The following RAD51B variants were observed in gnomAD, a reference collection of about 807,000 sequenced individuals.
RAD51B encodes DNA repair protein RAD51 homolog 2.
RAD51B carries 38 observed loss-of-function variants against 42.2 expected under a neutral mutation model. The ratio of observed to expected loss-of-function variants is 0.90; its 90% CI spans 0.70 to 1.18. The LOEUF is 1.18. RAD51B is among the 50% of genes most tolerant of loss of function. RAD51B has a pLI of 0.00. For synonymous variants in RAD51B, 154 were observed against 145.2 expected (o/e 1.06, Z -0.43); for missense variants, 373 against 400.7 (o/e 0.93, Z 0.59).
intron 7 of RAD51B, among the ~76,000 whole-genome samples, chr14:68,276,212 G>C (rs2081221150): frequency 1.3e-5 from 2 of 152,038 alleles, no homozygotes; most frequent in Admixed American, 1.3e-4. Context: ...TAATATAGGG[G>C]CCTCTTCTGC....
intron 7 of RAD51B, among the ~76,000 whole-genome samples, chr14:68,255,835 T>C (rs954943813): frequency 5.9e-5 from 9 of 152,288 alleles, no homozygotes; most frequent in African/African-American, 2.2e-4. Flanking sequence ...AAACATTAGC[T>C]CGTCTTACAG....
intron 7 of RAD51B, among the ~76,000 whole-genome samples, chr14:68,110,323 A>G (rs1226465425): frequency 6.6e-6 from 1 of 151,946 alleles, no homozygotes; most frequent in African/African-American, 2.4e-5. Context: ...CTGTGTCAAA[A>G]GGAACTGAAA....
chr14:67,955,379 A>G (rs1405339557), intron 7 of RAD51B, among the ~76,000 whole-genome samples: 1 of 152,214 alleles, frequency 6.6e-6, no homozygotes, highest in African/African-American at 2.4e-5. Flanking sequence ...GTACTTTCAA[A>G]TGTTATAAGG....
chr14:67,895,909 C>T (rs2043400164), intron 7 of RAD51B, among the ~76,000 whole-genome samples: 1 of 152,068 alleles, frequency 6.6e-6, no homozygotes, highest in African/African-American at 2.4e-5. Flanking sequence ...CAAGTTCTGT[C>T]TCTCCTCTGA....
intron 5 of RAD51B, among the ~76,000 whole-genome samples, chr14:67,877,287 A>C (rs943535903): frequency 2.0e-5 from 3 of 152,146 alleles, no homozygotes; most frequent in Non-Finnish European, 4.4e-5. Context: ...GGGTATTATG[A>C]TCTTCATTTT....
chr14:68,081,419 C>T (rs929340246), intron 7 of RAD51B, among the ~76,000 whole-genome samples: 4 of 152,032 alleles, frequency 2.6e-5, no homozygotes, highest in Admixed American at 1.3e-4. Context: ...TCGGTTCACT[C>T]GATCACATTA....
At chr14:68,503,407 G>A (rs1167001089) in intron 10 of RAD51B, among the ~76,000 whole-genome samples, 1 of 152,194 alleles carries the variant, frequency 6.6e-6, no homozygotes. Context: ...AAACAGCTGA[G>A]GAGGAGGCAT....
chr14:68,340,769 C>A (rs929925444), intron 8 of RAD51B, among the ~76,000 whole-genome samples: 1 of 152,324 alleles, frequency 6.6e-6, no homozygotes, highest in South Asian at 2.1e-4. Flanking sequence ...GGCTCCTATA[C>A]CATCTTGCAT....
chr14:68,427,701 T>C (rs1344890091), intron 9 of RAD51B, among the ~76,000 whole-genome samples: 1 of 152,222 alleles, frequency 6.6e-6, no homozygotes. Context: ...GTCTCACTCA[T>C]ATATGATTTA....
chr14:68,153,357 G>A (rs1044655588), intron 7 of RAD51B, among the ~76,000 whole-genome samples: 1 of 151,924 alleles, frequency 6.6e-6, no homozygotes, highest in African/African-American at 2.4e-5. Context: ...TCTTTCCTTT[G>A]TACACATTGA....
intron 7 of RAD51B, among the ~76,000 whole-genome samples, chr14:68,135,059 A>G (rs537851869): frequency 7.2e-5 from 11 of 152,320 alleles, no homozygotes; most frequent in Non-Finnish European, 1.5e-4. Flanking sequence ...TTTTCAGCTC[A>G]GACGTGTTAC....
At chr14:68,601,901 T>G (rs1205881032) in intron 10 of RAD51B, among the ~76,000 whole-genome samples, 1 of 152,200 alleles carries the variant, frequency 6.6e-6, no homozygotes, top group Non-Finnish European at 1.5e-5. Context: ...AAGTCATCAT[T>G]GACCCCAAAC....
rs572431017 is a variant in RAD51B at position 68,396,834 on chromosome 14, G to A, written c.854-14590G>A. 5.9e-5 allele frequency among the ~76,000 whole-genome samples: 9 copies of A among 152,266 alleles called. No individual in the cohort carries two copies. The East Asian group carries it at 7.7e-4, about 13-fold the overall frequency. On this transcript the variant is annotated intron_variant, in intron 8 of 10. Coordinates refer to ENST00000471583, the MANE Select transcript of RAD51B (RefSeq NM_133510.4). ...AATGGGATGTCCAGAAAATTGGGGCGGGGAGGGGGTAGTTTCCATGCATTT... is the reference window on the plus strand; with the variant it reads ...AATGGGATGTCCAGAAAATTGGGGCAGGGAGGGGGTAGTTTCCATGCATTT...
At chr14:68,329,704 G>A (rs564323040) in intron 8 of RAD51B, among the ~76,000 whole-genome samples, 4 of 152,004 alleles carry the variant, frequency 2.6e-5, no homozygotes, top group South Asian at 2.1e-4. Flanking sequence ...TTTTTGGGCC[G>A]GGCCCGGTGG....
chr14:67,830,108 G>A (rs554879148), intron 3 of RAD51B, among the ~76,000 whole-genome samples: 1 of 151,752 alleles, frequency 6.6e-6, no homozygotes, highest in African/African-American at 2.4e-5. Context: ...TCATAACAAC[G>A]AAGAAGAGAG....
intron 7 of RAD51B, among the ~76,000 whole-genome samples, chr14:68,275,347 G>T (rs1338820689): frequency 6.6e-6 from 1 of 152,048 alleles, no homozygotes; most frequent in African/African-American, 2.4e-5. Context: ...TGAACCTCTA[G>T]TTGAGCTTTG....
At chr14:67,983,976 G>A (rs1268235709) in intron 7 of RAD51B, among the ~76,000 whole-genome samples, 1 of 147,860 alleles carries the variant, frequency 6.8e-6, no homozygotes, top group Admixed American at 6.8e-5. Flanking sequence ...GTCTCCCTCT[G>A]TTGCCAGGCT....
At chr14:68,095,751 G>A (rs532501588) in intron 7 of RAD51B, among the ~76,000 whole-genome samples, 11 of 151,986 alleles carry the variant, frequency 7.2e-5, no homozygotes, top group Non-Finnish European at 1.2e-4. Context: ...CGAGGTGGGC[G>A]GATCACGAGG....
Position 68,561,951 on chromosome 14 carries a change from T to A in RAD51B, c.1037-32534T>A, listed in dbSNP as rs927748993. ...GGTCATGTGTGCAAAGTTCTCAGCA[T>A]GGTCCTTGTGGCAGCAATGTACACG... On this transcript the variant is annotated intron_variant, in intron 10 of 10. Transcript: ENST00000487270. The A allele has an allele frequency of 7.1e-6, 7 of 985,310 alleles. No homozygotes were observed. The African/African-American group carries it at 1.2e-4, about 17-fold the overall frequency. 61.0% of individuals were successfully genotyped at this position (985,310 alleles called of 1,614,324 possible).
Sources: allele counts gnomAD v4.1 joint callset (sites outside exome capture counted in the v4.1 genomes callset), GRCh38; gene constraint gnomAD v4.1.1; transcripts MANE v1.5; gene names NCBI Gene and HGNC (gene_info 2026-07-23, HGNC 2026-07-21).